Variants in ROBO1 observed in about 807,000 individuals in gnomAD.
ROBO1 encodes the protein roundabout guidance receptor 1, also known as roundabout homolog 1.
Under a neutral mutation model 195.9 loss-of-function variants are expected in ROBO1, and 149 were observed. The observed-to-expected ratio is 0.76, with a 90% CI of 0.67 to 0.87. ROBO1 has a LOEUF of 0.87. Among genes scored for constraint, ROBO1 ranks in the 40% least tolerant of loss-of-function variants. The probability of loss-of-function intolerance (pLI) is 0.00; values close to 1 mark genes in which losing one functional copy is unlikely to be tolerated. For missense variants in ROBO1, 1,933 were observed against 2,068.3 expected, an observed-to-expected ratio of 0.93 and a Z score of 1.27; for synonymous variants, 816 against 733.2, an observed-to-expected ratio of 1.11 and a Z score of -1.82.
At chr3:79,403,774 T>G (rs777641984) in intron 2 of ROBO1, among the ~76,000 whole-genome samples, 4 of 152,008 alleles carry the variant, frequency 2.6e-5, no homozygotes, top group Admixed American at 6.6e-5. Context: ...AAAAAAATGA[T>G]GTAGACTCCA....
At chr3:79,640,271 A>G (rs777917914) in intron 1 of ROBO1, among the ~76,000 whole-genome samples, 4 of 152,136 alleles carry the variant, frequency 2.6e-5, no homozygotes, top group Non-Finnish European at 5.9e-5. Flanking sequence ...GAGTGTAATA[A>G]TTATGACATT....
intron 2 of ROBO1, among the ~76,000 whole-genome samples, chr3:79,168,208 G>C (rs575363927): frequency 6.6e-6 from 1 of 152,266 alleles, no homozygotes; most frequent in Admixed American, 6.5e-5. Flanking sequence ...AGAGCCAACA[G>C]TGACAGTTTA....
Position 79,671,964 on chromosome 3 carries a change from A to T in ROBO1, c.-50-82003T>A, listed in dbSNP as rs549799062. On this transcript the variant is annotated intron_variant, in intron 1 of 30. Coordinates refer to ENST00000464233, the MANE Select transcript of ROBO1 (RefSeq NM_002941.4). ...TCCCAACAACTGCGAATTGCAACCT[A>T]ATCATGAAATCCTATTCCTCTGTCA... Among the ~76,000 whole-genome samples, 6 of 152,052 alleles carry T rather than the reference A, an allele frequency of 3.9e-5. No individual in the cohort carries two copies. In the South Asian group the frequency reaches 1.0e-3, roughly 26 times the overall value.
chr3:78,701,984 T>C (rs2081431545), intron 8 of ROBO1, among the ~76,000 whole-genome samples: 1 of 152,228 alleles, frequency 6.6e-6, no homozygotes, highest in African/African-American at 2.4e-5. Context: ...GTGCTCATGG[T>C]ATTTTAATCA....
At chr3:79,693,426 TG>T (rs1947353653) in intron 1 of ROBO1, among the ~76,000 whole-genome samples, 2 of 150,624 alleles carry the variant, frequency 1.3e-5, no homozygotes, top group African/African-American at 4.9e-5. Flanking sequence ...TGTGTGTCCT[TG>T]TTTTTTTGTT....
intron 3 of ROBO1, among the ~76,000 whole-genome samples, chr3:78,968,132 G>A (rs1223407937): frequency 6.6e-6 from 1 of 152,094 alleles, no homozygotes; most frequent in Non-Finnish European, 1.5e-5. Flanking sequence ...ATTGGAGAGG[G>A]CATGGAATTT....
At chr3:78,667,832 T>C in intron 14 of ROBO1, 51 bp downstream of exon 14, 1 of 1,546,148 alleles carries the variant, frequency 6.5e-7, no homozygotes, top group Non-Finnish European at 8.9e-7. Context: ...AGTGCAATTA[T>C]AACATCTAAG....
chr3:79,692,772 T>C (rs1192140984), intron 1 of ROBO1, among the ~76,000 whole-genome samples: 1 of 151,840 alleles, frequency 6.6e-6, no homozygotes, highest in Non-Finnish European at 1.5e-5. Flanking sequence ...TTATTAATAG[T>C]ACAGGCTAAC....
At chr3:79,548,423 T>C (rs1942352485) in intron 2 of ROBO1, among the ~76,000 whole-genome samples, 1 of 152,174 alleles carries the variant, frequency 6.6e-6, no homozygotes, top group African/African-American at 2.4e-5. Context: ...TGAAGAGAAA[T>C]CTACCAACAT....
rs897981679 is a variant in ROBO1 at position 78,939,151 on chromosome 3, C to T, written c.173-224G>A. ...AGAAACTTCTCTCGCTTACACATTG[C>T]CTGTGCAAATCCTGTCCTCAAATCC... On this transcript the variant is annotated intron_variant, in intron 3 of 30. Transcript: ENST00000464233. 2.0e-5 allele frequency among the ~76,000 whole-genome samples: 3 copies of T among 152,158 alleles called. No homozygotes were observed. In the South Asian group the frequency reaches 6.2e-4, roughly 32 times the overall value.
intron 2 of ROBO1, among the ~76,000 whole-genome samples, chr3:79,227,116 T>C (rs1196227440): frequency 6.6e-6 from 1 of 152,228 alleles, no homozygotes. Flanking sequence ...TTGCAACTTT[T>C]GACAATGGTG....
chr3:79,502,048 G>T (rs1416812438), intron 2 of ROBO1, among the ~76,000 whole-genome samples: 1 of 152,218 alleles, frequency 6.6e-6, no homozygotes, highest in Non-Finnish European at 1.5e-5. Context: ...GTGGAATGAG[G>T]CTAGCAAAGC....
intron 2 of ROBO1, among the ~76,000 whole-genome samples, chr3:79,326,755 A>C (rs778546811): frequency 2.6e-5 from 4 of 152,198 alleles, no homozygotes; most frequent in Admixed American, 2.6e-4. Flanking sequence ...AAATTCTTTA[A>C]AACTAAAAGT....
chr3:79,477,718 A>G (rs1938617341), intron 2 of ROBO1, among the ~76,000 whole-genome samples: 1 of 152,188 alleles, frequency 6.6e-6, no homozygotes, highest in African/African-American at 2.4e-5. Context: ...AATGAAATAC[A>G]TAATATTAAG....
At chr3:79,111,053 T>C (rs933564833) in intron 3 of ROBO1, among the ~76,000 whole-genome samples, 8 of 152,198 alleles carry the variant, frequency 5.3e-5, no homozygotes, top group Middle Eastern at 3.2e-3. Context: ...CAGTGATTTC[T>C]ACAATAGACT....
chr3:79,241,505 A>T (rs1294889169), intron 2 of ROBO1, among the ~76,000 whole-genome samples: 1 of 151,890 alleles, frequency 6.6e-6, no homozygotes, highest in African/African-American at 2.4e-5. Context: ...TCTCAAAGGG[A>T]CGTGGTGAAA....
intron 4 of ROBO1, among the ~76,000 whole-genome samples, chr3:78,819,210 C>A (rs949929612): frequency 6.6e-6 from 1 of 152,122 alleles, no homozygotes; most frequent in African/African-American, 2.4e-5. Context: ...TGTGTTTTCA[C>A]TCCATAGTGT....
At chr3:78,639,621 G>T (rs1054452382) in intron 22 of ROBO1, 123 bp downstream of exon 22, 1 of 902,816 alleles carries the variant, frequency 1.1e-6, no homozygotes, top group South Asian at 2.6e-5. Context: ...CTAAACAATA[G>T]TCAGCATTGG....
chr3:79,418,282 A>T (rs370147576), intron 2 of ROBO1, among the ~76,000 whole-genome samples: 10 of 152,122 alleles, frequency 6.6e-5, no homozygotes, highest in African/African-American at 2.4e-4. Flanking sequence ...TTTTGGTATC[A>T]TATTAGTGTA....
Sources: allele counts gnomAD v4.1 joint callset (sites outside exome capture counted in the v4.1 genomes callset), GRCh38; gene constraint gnomAD v4.1.1; transcripts MANE v1.5; gene names NCBI Gene and HGNC (gene_info 2026-07-23, HGNC 2026-07-21).